LRFN5: variants seen among roughly 807,000 people sequenced by gnomAD.
LRFN5 encodes the protein leucine-rich repeat and fibronectin type-III domain-containing protein 5.
LRFN5 carries 24 observed loss-of-function variants against 45.6 expected under a neutral mutation model. The ratio of observed to expected loss-of-function variants is 0.53; its 90% CI spans 0.38 to 0.74. The LOEUF (loss-of-function observed/expected upper bound fraction) is 0.74, where lower values mean the gene tolerates loss of function less well. Among genes scored for constraint, LRFN5 ranks in the 30% least tolerant of loss-of-function variants. The pLI is 0.00. For synonymous variants in LRFN5, 340 were observed against 313.8 expected (o/e 1.08, Z -0.88); for missense variants, 776 against 861.5 (o/e 0.90, Z 1.24).
intron 1 of LRFN5, among the ~76,000 whole-genome samples, chr14:41,684,602 A>G (rs955396161): frequency 6.6e-6 from 1 of 152,174 alleles, no homozygotes; most frequent in Non-Finnish European, 1.5e-5. Flanking sequence ...TACAATTCAA[A>G]ATGAGATTTT....
intron 2 of LRFN5, among the ~76,000 whole-genome samples, chr14:41,775,093 C>CTTTTTTTTTTTTTTTTTTTTTTTT (rs59438733): frequency 8.9e-6 from 1 of 112,492 alleles, no homozygotes; most frequent in African/African-American, 3.5e-5. Context: ...TTTTCTTTTT[C>CTTTTTTTTTTTTTTTTTTTTTTTT]TTTTTTTTTT....
chr14:41,644,770 C>G (rs1879734804), intron 1 of LRFN5, among the ~76,000 whole-genome samples: 1 of 152,298 alleles, frequency 6.6e-6, no homozygotes, highest in Middle Eastern at 3.4e-3. Flanking sequence ...GTTTAATTCT[C>G]AGATGCTGAG....
At chr14:41,809,175 A>G (rs1887653651) in intron 2 of LRFN5, among the ~76,000 whole-genome samples, 1 of 152,106 alleles carries the variant, frequency 6.6e-6, no homozygotes, top group Admixed American at 6.6e-5. Context: ...TAAGTGGCTA[A>G]TTCAACTAGG....
chr14:41,879,064 T>C (rs1890283909), intron 2 of LRFN5, among the ~76,000 whole-genome samples: 1 of 152,004 alleles, frequency 6.6e-6, no homozygotes, highest in Non-Finnish European at 1.5e-5. Flanking sequence ...ACACAGAAAA[T>C]AGACTTTAGG....
intron 2 of LRFN5, among the ~76,000 whole-genome samples, chr14:41,878,427 A>C (rs936022478): frequency 2.6e-5 from 4 of 152,136 alleles, no homozygotes; most frequent in Non-Finnish European, 5.9e-5. Context: ...AGTTGGTTGT[A>C]AAAATCTAAA....
intron 1 of LRFN5, among the ~76,000 whole-genome samples, chr14:41,696,931 C>T (rs1358526357): frequency 6.6e-6 from 1 of 151,918 alleles, no homozygotes; most frequent in Admixed American, 6.6e-5. Flanking sequence ...TAATGACATG[C>T]CTACCTTGAA....
chr14:41,902,101 T>A (rs1377433144), intron 5 of LRFN5, among the ~76,000 whole-genome samples: 1 of 151,918 alleles, frequency 6.6e-6, no homozygotes, highest in Non-Finnish European at 1.5e-5. Context: ...GGGGCAGTAA[T>A]AAATCTTTTC....
intron 2 of LRFN5, among the ~76,000 whole-genome samples, chr14:41,842,427 A>G (rs1888894518): frequency 6.6e-6 from 1 of 152,130 alleles, no homozygotes; most frequent in Non-Finnish European, 1.5e-5. Context: ...GGTTGGCTGC[A>G]GGTATTTAAA....
intron 1 of LRFN5, among the ~76,000 whole-genome samples, chr14:41,745,634 A>C (rs1566649190): frequency 6.8e-6 from 1 of 146,722 alleles, no homozygotes; most frequent in Non-Finnish European, 1.5e-5. Flanking sequence ...TGAATATTGG[A>C]CTAAGAAAAA....
intron 2 of LRFN5, among the ~76,000 whole-genome samples, chr14:41,841,375 T>C (rs1485108034): frequency 6.6e-6 from 1 of 151,882 alleles, no homozygotes; most frequent in Non-Finnish European, 1.5e-5. Flanking sequence ...AGAGATAAAT[T>C]GCCTTGTTTT....
At chr14:41,805,707 G>C (rs927388744) in intron 2 of LRFN5, among the ~76,000 whole-genome samples, 5 of 151,982 alleles carry the variant, frequency 3.3e-5, no homozygotes, top group African/African-American at 7.2e-5. Flanking sequence ...ATCATTCTCA[G>C]TAAACTATCG....
intron 1 of LRFN5, among the ~76,000 whole-genome samples, chr14:41,736,978 G>C (rs114632102): frequency 3.3e-5 from 5 of 151,998 alleles, no homozygotes; most frequent in Admixed American, 3.3e-4. Flanking sequence ...GAAAAAAAAA[G>C]GAATCCTCTC....
intron 1 of LRFN5, among the ~76,000 whole-genome samples, chr14:41,652,265 C>G (rs1397135522): frequency 6.6e-6 from 1 of 151,774 alleles, no homozygotes; most frequent in East Asian, 1.9e-4. Flanking sequence ...AGCATGTTGA[C>G]AATATTATAT....
intron 2 of LRFN5, among the ~76,000 whole-genome samples, chr14:41,777,770 G>GAT (rs1886342714): frequency 6.6e-6 from 1 of 151,566 alleles, no homozygotes; most frequent in Non-Finnish European, 1.5e-5. Context: ...ACCATTTTTG[G>GAT]ATATATACAC....
intron 2 of LRFN5, among the ~76,000 whole-genome samples, chr14:41,771,731 C>T (rs1073910): frequency 4.0e-5 from 6 of 151,880 alleles, no homozygotes; most frequent in African/African-American, 4.8e-5. Flanking sequence ...TATCTCTGTC[C>T]GCATTTTGGT....
chr14:41,786,270 G>A (rs1399188173), intron 2 of LRFN5, among the ~76,000 whole-genome samples: 1 of 151,584 alleles, frequency 6.6e-6, no homozygotes, highest in Non-Finnish European at 1.5e-5. Context: ...TTTTTCTTTT[G>A]CCTAAAAAAG....
chr14:41,656,412 T>C (rs1035503423), intron 1 of LRFN5, among the ~76,000 whole-genome samples: 1 of 151,986 alleles, frequency 6.6e-6, no homozygotes, highest in African/African-American at 2.4e-5. Context: ...TTTGGTAGTA[T>C]TTGAATGTTT....
At chr14:41,685,880 A>G (rs1468007037) in intron 1 of LRFN5, among the ~76,000 whole-genome samples, 1 of 152,144 alleles carries the variant, frequency 6.6e-6, no homozygotes, top group Non-Finnish European at 1.5e-5. Flanking sequence ...CTTGTAGTAT[A>G]GTTCAAAGTC....
intron 2 of LRFN5, among the ~76,000 whole-genome samples, chr14:41,861,684 C>T (rs1182030314): frequency 6.6e-6 from 1 of 152,114 alleles, no homozygotes; most frequent in Non-Finnish European, 1.5e-5. Context: ...TAGAAGGCTG[C>T]AATAGCTCTC....
Sources: gnomAD v4.1 joint callset for allele counts (sites outside exome capture counted in the v4.1 genomes callset) on GRCh38, gnomAD v4.1.1 for gene constraint, MANE v1.5 for transcripts, NCBI Gene and HGNC (gene_info 2026-07-23, HGNC 2026-07-21) for gene names.